Variants in RPH3A observed in about 807,000 individuals in gnomAD.
The protein encoded by RPH3A is rabphilin 3A.
A neutral mutation model predicts 102.2 loss-of-function variants in RPH3A; 48 were observed. The ratio of observed to expected loss-of-function variants is 0.47; its 90% CI spans 0.37 to 0.60. The LOEUF is 0.60. RPH3A is among the 20% of genes least tolerant of loss of function. The pLI, the probability that RPH3A is intolerant of heterozygous loss-of-function variation, is 0.00. For missense variants in RPH3A, 781 were observed against 910.1 expected, an observed-to-expected ratio of 0.86 and a Z score of 1.83; for synonymous variants, 310 against 324.3, an observed-to-expected ratio of 0.96 and a Z score of 0.47.
At chr12:112,634,342 C>T (rs2039832385) in intron 1 of RPH3A, among the ~76,000 whole-genome samples, 1 of 31,680 alleles carries the variant, frequency 3.2e-5, no homozygotes, top group Non-Finnish European at 5.3e-5. Flanking sequence ...AGCGAGACTC[C>T]GTCTCAAAAA....
At chr12:112,744,730 G>T (rs74888306) in intron 1 of RPH3A, among the ~76,000 whole-genome samples, 4 of 151,960 alleles carry the variant, frequency 2.6e-5, no homozygotes, top group Non-Finnish European at 5.9e-5. Context: ...TGACAAGGTC[G>T]CACAGTCAGG....
intron 1 of RPH3A, among the ~76,000 whole-genome samples, chr12:112,618,772 A>G (rs2039699989): frequency 6.6e-6 from 1 of 152,346 alleles, no homozygotes; most frequent in East Asian, 1.9e-4. Context: ...GTATGTTCAC[A>G]GGGTTGTATG....
intron 1 of RPH3A, among the ~76,000 whole-genome samples, chr12:112,635,049 A>C (rs1387075539): frequency 6.6e-6 from 1 of 152,250 alleles, no homozygotes; most frequent in Non-Finnish European, 1.5e-5. Flanking sequence ...TTAATCTAAG[A>C]AAACTAATAA....
chr12:112,765,489 G>A (rs1241892881), intron 1 of RPH3A, among the ~76,000 whole-genome samples: 1 of 152,116 alleles, frequency 6.6e-6, no homozygotes, highest in Non-Finnish European at 1.5e-5. Context: ...CCAAACTGTG[G>A]TCCTTAGTGC....
chr12:112,751,285 G>A (rs901505374), intron 1 of RPH3A, among the ~76,000 whole-genome samples: 81 of 152,312 alleles, frequency 5.3e-4, no homozygotes, highest in African/African-American at 1.9e-3. Flanking sequence ...TATCCTGGAA[G>A]TCATATGCAT....
chr12:112,638,929 C>T (rs1256136241), intron 1 of RPH3A, among the ~76,000 whole-genome samples: 5 of 152,150 alleles, frequency 3.3e-5, no homozygotes, highest in African/African-American at 1.2e-4. Flanking sequence ...CAGGACAGCT[C>T]CCATTGATTG....
intron 2 of RPH3A, among the ~76,000 whole-genome samples, chr12:112,792,706 G>A (rs2041147267): frequency 6.6e-6 from 1 of 152,192 alleles, no homozygotes; most frequent in African/African-American, 2.4e-5. Flanking sequence ...GGTAACTTTT[G>A]CCTGGGCACA....
intron 1 of RPH3A, among the ~76,000 whole-genome samples, chr12:112,773,855 C>T (rs1378155612): frequency 6.6e-6 from 1 of 151,760 alleles, no homozygotes; most frequent in Non-Finnish European, 1.5e-5. Flanking sequence ...CCGAGGCAGG[C>T]GGATCACCTG....
At chr12:112,792,911 C>G (rs1366534794) in intron 2 of RPH3A, among the ~76,000 whole-genome samples, 1 of 152,168 alleles carries the variant, frequency 6.6e-6, no homozygotes, top group Non-Finnish European at 1.5e-5. Flanking sequence ...CCACTGCCTG[C>G]AGAGGAGATG....
chr12:112,753,071 T>C (rs1016031724), intron 1 of RPH3A, among the ~76,000 whole-genome samples: 12 of 151,892 alleles, frequency 7.9e-5, no homozygotes, highest in East Asian at 1.9e-4. Context: ...TGGATTGTTA[T>C]TGATGTCTAA....
In RPH3A at chr12:112,896,799, A is replaced by G. The variant is rs557856340; in HGVS notation, c.*19A>G. On this transcript the variant is annotated 3_prime_UTR_variant, in exon 22 of 22. Transcript: ENST00000389385. ...TGATTAGGCTAGTGCCCAGGTCCCC[A>G]TCTCCATGTCCCGGGTCCCCCCCAG... The G allele has an allele frequency of 1.2e-6, 2 of 1,613,248 alleles. No homozygotes were observed. The highest frequency in any genetic ancestry group is 3.3e-5 in the Admixed American group (2 of 60,014).
chr12:112,842,981 A>C (rs2042170395), intron 4 of RPH3A, among the ~76,000 whole-genome samples: 1 of 151,906 alleles, frequency 6.6e-6, no homozygotes. Flanking sequence ...TGCCAAGTCA[A>C]CAAGGGCTCA....
At chr12:112,841,173 T>TTAAAAAAAAAAAAAAAAAAA (rs535321182) in intron 4 of RPH3A, among the ~76,000 whole-genome samples, 3 of 33,370 alleles carry the variant, frequency 9.0e-5, no homozygotes, top group African/African-American at 4.2e-4. Context: ...CCTTGTTTCT[T>TTAAAAAAAAAAAAAAAAAAA]AAAAAAAAAA....
intron 1 of RPH3A, among the ~76,000 whole-genome samples, chr12:112,658,696 C>T (rs191233797): frequency 7.2e-5 from 11 of 152,136 alleles, no homozygotes; most frequent in African/African-American, 1.9e-4. Context: ...GCTGATGGAT[C>T]GTATGGCTTG....
At chr12:112,872,555 A>C (rs2042726102) in intron 10 of RPH3A, among the ~76,000 whole-genome samples, 1 of 152,070 alleles carries the variant, frequency 6.6e-6, no homozygotes, top group Admixed American at 6.5e-5. Context: ...TATTTTGATG[A>C]AGCCCAGTTT....
chr12:112,863,795 T>G (rs2042562747), intron 5 of RPH3A, among the ~76,000 whole-genome samples: 1 of 152,276 alleles, frequency 6.6e-6, no homozygotes, highest in Non-Finnish European at 1.5e-5. Context: ...ATCACTGAAG[T>G]GTAAGCTGTT....
intron 2 of RPH3A, among the ~76,000 whole-genome samples, chr12:112,806,241 A>G (rs997384222): frequency 6.6e-6 from 1 of 152,258 alleles, no homozygotes; most frequent in African/African-American, 2.4e-5. Flanking sequence ...GAAAAAATTG[A>G]GAAAGAATTT....
chr12:112,863,420 C>G (rs1244749542), intron 5 of RPH3A, among the ~76,000 whole-genome samples: 1 of 152,198 alleles, frequency 6.6e-6, no homozygotes, highest in African/African-American at 2.4e-5. Context: ...TGGGTCCAAG[C>G]GGTTCTCCTG....
chr12:112,822,763 C>T (rs2041803396), intron 2 of RPH3A, among the ~76,000 whole-genome samples: 1 of 152,234 alleles, frequency 6.6e-6, no homozygotes, highest in Non-Finnish European at 1.5e-5. Context: ...GTTATCCCAT[C>T]TGTAAAATGG....
Sources: allele counts gnomAD v4.1 joint callset (sites outside exome capture counted in the v4.1 genomes callset), GRCh38; gene constraint gnomAD v4.1.1; transcripts MANE v1.5; gene names NCBI Gene and HGNC (gene_info 2026-07-23, HGNC 2026-07-21).